The following RESF1 variants were observed in gnomAD, a reference collection of about 807,000 sequenced individuals.
The protein encoded by RESF1 is retroelement silencing factor 1.
RESF1 carries 65 observed loss-of-function variants against 134.7 expected under a neutral mutation model. That is an observed-to-expected ratio of 0.48 (90% CI 0.40 to 0.59). RESF1 has a LOEUF of 0.59. RESF1 is among the 20% of genes least tolerant of loss of function. The pLI, the probability that RESF1 is intolerant of heterozygous loss-of-function variation, is 0.00. For missense variants in RESF1, 2,274 were observed against 2,002.7 expected (o/e 1.14, Z -2.59); for synonymous variants, 762 against 702.2 (o/e 1.09, Z -1.35).
At chr12:31,969,116 T>C (rs1226215824) in intron 2 of RESF1, among the ~76,000 whole-genome samples, 1 of 152,198 alleles carries the variant, frequency 6.6e-6, no homozygotes, top group Non-Finnish European at 1.5e-5. Flanking sequence ...AGTGTTTCTA[T>C]TTTTATTTTT....
chr12:31,984,903 A>T lies in RESF1; in HGVS notation c.3948A>T (p.Gln1316His). The T allele has an allele frequency of 6.2e-7, 1 of 1,611,188 alleles. No homozygotes were observed. Among genetic ancestry groups the T allele is most frequent in the Non-Finnish European group, 8.5e-7 (1 of 1,179,364 alleles). Residue 1316 changes from glutamine (Q) to histidine (H), a missense_variant, in exon 4 of 6, where the codon CAA becomes CAT. By Grantham distance (24) the Gln-to-His change is conservative. Transcript: ENST00000312561. ...ATAAAATGACAGCATCTTATGAACA[A>T]GCTTCTCAGGAAACCCGACAGAAGA... ...SSNKMTASYE[Q>H]ASQETRQKKH...
rs370481515 is a variant in RESF1 at position 31,984,715 on chromosome 12, G to A, written c.3760G>A (p.Asp1254Asn). ...GKSHFPELQDDSRKDTPKTKH... is the reference protein window; with the variant it reads ...GKSHFPELQDNSRKDTPKTKH... ...AAGTCATTTTCCTGAACTACAAGAC[G>A]ACAGTAGAAAAGATACACCCAAAAC... Residue 1254 changes from aspartate (D) to asparagine (N), a missense_variant, in exon 4 of 6, where the codon GAC becomes AAC. Coordinates refer to ENST00000312561, the MANE Select transcript of RESF1 (RefSeq NM_018169.4). 1.9e-5 allele frequency: 30 copies of A among 1,600,714 alleles called. No individual in the cohort carries two copies. The highest frequency in any genetic ancestry group is 1.4e-4 in the South Asian group (12 of 87,950).
chr12:31,980,732 AT>A (rs1431549814), intron 3 of RESF1, 145 bp from the exon 4 acceptor site: 1 of 436,758 alleles, frequency 2.3e-6, no homozygotes, highest in Non-Finnish European at 4.0e-6. Flanking sequence ...TTATTGTTGT[AT>A]CCTCTATTGC....
intron 4 of RESF1, 69 bp downstream of exon 4, chr12:31,986,026 A>G (rs1939965822): frequency 1.9e-6 from 2 of 1,030,722 alleles, no homozygotes; most frequent in Admixed American, 3.8e-5. Flanking sequence ...TTGGGCTAGC[A>G]CCTCTCATGC....
In RESF1 at chr12:31,981,913, T is replaced by C; in HGVS notation, c.958T>C (p.Phe320Leu). The stretch of plus-strand genomic sequence containing the variant: ...GCTGTCATCTGAAATAAGGACCAGC[T>C]TTCAACAGCAGTGGCAAAACCCTAA... ...EMLSSEIRTSFQQQWQNPNEN... is the reference protein window; with the variant it reads ...EMLSSEIRTSLQQQWQNPNEN... The change falls in exon 4 of 6, where the codon TTT (phenylalanine) becomes CTT (leucine). Residue 320 changes from phenylalanine to leucine, a missense_variant. Phe to Leu is a conservative substitution (Grantham distance 22). Transcript: ENST00000312561. 6.2e-7 allele frequency: 1 copy of C among 1,614,184 alleles called. No individual in the cohort carries two copies. Among genetic ancestry groups the C allele is most frequent in the Non-Finnish European group, 8.5e-7 (1 of 1,180,036 alleles).
intron 1 of RESF1, chr12:31,959,758 C>T (rs895056955): frequency 1.3e-5 from 2 of 151,748 alleles, no homozygotes; most frequent in Non-Finnish European, 2.9e-5. Context: ...CGGCCCTGGG[C>T]CTCCGCGGAT....
chr12:31,979,628 C>G (rs1331293792), intron 3 of RESF1, among the ~76,000 whole-genome samples: 1 of 152,158 alleles, frequency 6.6e-6, no homozygotes, highest in African/African-American at 2.4e-5. Context: ...GCCTCAACCC[C>G]CAGGCTCAGA....
chr12:31,960,565 G>T (rs1412476255), intron 1 of RESF1, among the ~76,000 whole-genome samples: 3 of 152,184 alleles, frequency 2.0e-5, no homozygotes, highest in Non-Finnish European at 2.9e-5. Context: ...CGGACCTAGA[G>T]GAGCGCACAT....
At position 31,982,813 on chromosome 12, in the gene RESF1, AC is replaced by A. The variant is rs1939838792; in HGVS notation, c.1861del (p.Gln621LysfsTer2). 2 of 1,614,160 alleles carry A rather than the reference AC, an allele frequency of 1.2e-6. No homozygotes were observed. Among genetic ancestry groups the A allele is most frequent in the African/African-American group, 2.7e-5 (2 of 75,070 alleles). The part of the protein sequence containing the change: ...KPDSCEMNPN[T>X]QMTGNQLNLK... ...AGACAGTTGTGAAATGAATCCAAATACCCAAATGACTGGTAACCAACTGAAT... is the reference window on the plus strand; with the variant it reads ...AGACAGTTGTGAAATGAATCCAAATACCAAATGACTGGTAACCAACTGAAT... On this transcript the variant is annotated frameshift_variant, in exon 4 of 6. Coordinates refer to ENST00000312561, the MANE Select transcript of RESF1 (RefSeq NM_018169.4). LOFTEE classifies it high-confidence loss of function.
In RESF1 at chr12:31,983,006, C is replaced by T. The variant is rs1460231689; in HGVS notation, c.2051C>T (p.Pro684Leu). 1 of 1,614,102 alleles carries T rather than the reference C, an allele frequency of 6.2e-7. No individual in the cohort carries two copies. The highest frequency in any genetic ancestry group is 1.7e-5 in the Admixed American group (1 of 60,018). The change falls in exon 4 of 6, where the codon CCT (proline) becomes CTT (leucine). Residue 684 changes from proline to leucine, a missense_variant. Physicochemically the swap from Pro to Leu is moderately conservative, Grantham distance 98. Transcript: ENST00000312561. The part of the protein sequence containing the change: ...ATCLSLWKKQ[P>L]SDTAKEKECD... ...TGTCTTTCCCTGTGGAAAAAGCAAC[C>T]TTCAGATACTGCAAAAGAAAAGGAG... is the stretch of plus-strand genomic sequence containing the variant.
Position 31,981,841 on chromosome 12 carries a change from C to T in RESF1, c.886C>T (p.His296Tyr), listed in dbSNP as rs141692230. The T allele has an allele frequency of 1.7e-4, 271 of 1,614,082 alleles. No homozygotes were observed. In the East Asian group the frequency reaches 5.8e-3, roughly 35 times the overall value. The part of the protein sequence containing the change: ...YGSQPLQSTQ[H>Y]ITKHLSMEVP... ...AAGCCAGCCTTTGCAAAGTACTCAG[C>T]ATATTACTAAACACTTGTCTATGGA... Residue 296 changes from histidine to tyrosine, a missense_variant, in exon 4 of 6, where the codon CAT (histidine) becomes TAT (tyrosine). By Grantham distance (83) the His-to-Tyr change is moderately conservative (BLOSUM62 2). Transcript: ENST00000312561.
chr12:31,976,638 G>A (rs772003498), intron 3 of RESF1, among the ~76,000 whole-genome samples: 6 of 151,840 alleles, frequency 4.0e-5, no homozygotes, highest in Non-Finnish European at 8.8e-5. Flanking sequence ...AGCCGAGATC[G>A]CACCACTGCA....
intron 5 of RESF1, among the ~76,000 whole-genome samples, chr12:31,988,509 A>C (rs1315436484): frequency 6.6e-6 from 1 of 152,176 alleles, no homozygotes; most frequent in Non-Finnish European, 1.5e-5. Context: ...ATTTTACATA[A>C]GGAACTTAAG....
chr12:31,982,698 T>C lies in RESF1; in HGVS notation c.1743T>C (p.Asn581=). 6.2e-7 allele frequency: 1 copy of C among 1,613,942 alleles called. No homozygotes were observed. Among genetic ancestry groups the C allele is most frequent in the Non-Finnish European group, 8.5e-7 (1 of 1,179,882 alleles). The change falls in exon 4 of 6, where the codon AAT becomes AAC. Residue 581 remains asparagine, a synonymous_variant. Coordinates refer to ENST00000312561, the MANE Select transcript of RESF1 (RefSeq NM_018169.4). ...ATAAATCAAAAATTCAAAATGAAAA[T>C]ATGCTACTTCTCGCTTTGCTTTCAC... ...EEYKSKIQNE[N]MLLLALLSQA...
At chr12:31,970,472 A>C (rs1191496043) in intron 3 of RESF1, 116 bp downstream of exon 3, 2 of 152,194 alleles carry the variant, frequency 1.3e-5, no homozygotes, top group Non-Finnish European at 2.9e-5. Context: ...GAAAGTAGGG[A>C]ATTGAAGTCT....
chr12:31,963,314 C>G (rs1001352122), intron 2 of RESF1, among the ~76,000 whole-genome samples: 1 of 150,746 alleles, frequency 6.6e-6, no homozygotes, highest in Non-Finnish European at 1.5e-5. Flanking sequence ...CACTGCACTC[C>G]AGCCTGGACG....
chr12:31,967,733 T>C (rs924313665), intron 2 of RESF1, among the ~76,000 whole-genome samples: 10 of 150,536 alleles, frequency 6.6e-5, no homozygotes, highest in African/African-American at 2.0e-4. Context: ...GCTGACTGGG[T>C]GCTATGGCTT....
chr12:31,965,416 G>A (rs1011534529), intron 2 of RESF1, among the ~76,000 whole-genome samples: 7 of 152,154 alleles, frequency 4.6e-5, no homozygotes, highest in Admixed American at 2.0e-4. Flanking sequence ...AACCTCTAGA[G>A]AGTATTTAAA....
chr12:31,982,366 A>G lies in RESF1; in HGVS notation c.1411A>G (p.Thr471Ala), dbSNP rs1274328189. The G allele has an allele frequency of 1.2e-6, 2 of 1,614,106 alleles. No individual in the cohort carries two copies. The highest frequency in any genetic ancestry group is 1.7e-5 in the Admixed American group (1 of 60,026). Reference sequence around the variant, plus strand: ...AGAGAATGCAGAGAGACAAACACCAACAGTAGTGGAATCTGCAGAAACAAA... The same window carrying G: ...AGAGAATGCAGAGAGACAAACACCAGCAGTAGTGGAATCTGCAGAAACAAA... ...MPENAERQTP[T>A]VVESAETNKT... Residue 471 changes from threonine (T) to alanine (A), a missense_variant, in exon 4 of 6, where the codon ACA (threonine) becomes GCA (alanine). Coordinates refer to ENST00000312561, the MANE Select transcript of RESF1 (RefSeq NM_018169.4).
Sources: gnomAD v4.1 joint callset for allele counts (sites outside exome capture counted in the v4.1 genomes callset) on GRCh38, gnomAD v4.1.1 for gene constraint, MANE v1.5 for transcripts, NCBI Gene and HGNC (gene_info 2026-07-23, HGNC 2026-07-21) for gene names.